PARD3: variants seen among roughly 807,000 people sequenced by gnomAD.
The protein encoded by PARD3 is partitioning defective 3 homolog.
In PARD3, 75 loss-of-function variants were observed where a neutral mutation model predicts 155.4. That is an observed-to-expected ratio of 0.48 (90% CI 0.40 to 0.58). PARD3 has a LOEUF of 0.58. Ranked by LOEUF, PARD3 falls within the 20% of genes least tolerant of loss-of-function variation. The pLI is 0.00. For missense variants in PARD3, 1,642 were observed against 1,721.7 expected, an observed-to-expected ratio of 0.95 and a Z score of 0.82; for synonymous variants, 576 against 610.5, an observed-to-expected ratio of 0.94 and a Z score of 0.83.
intron 22 of PARD3, among the ~76,000 whole-genome samples, chr10:34,204,485 T>C: frequency 6.6e-6 from 1 of 152,124 alleles, no homozygotes; most frequent in Non-Finnish European, 1.5e-5. Flanking sequence ...ACCCTCCCCT[T>C]AACGACCTCC....
rs1309743650 is a variant in PARD3 at position 34,261,813 on chromosome 10, GAAAGAAAGAAAGAAAC to G, written c.3419+7828_3419+7843del. Among the ~76,000 whole-genome samples the G allele has an allele frequency of 1.4e-3, 125 of 89,052 alleles. 6 individuals are homozygous for G. The East Asian group carries it at 0.026, about 19-fold the overall frequency. The allele number at this position is 89,052 out of a possible 152,430, so 58.4% of individuals were successfully genotyped here. On this transcript the variant is annotated intron_variant, in intron 22 of 24. Coordinates refer to ENST00000374788, the MANE Select transcript of PARD3 (RefSeq NM_001184785.2). ...AGAAAGAAAGAAAGAAAGAAAGAAAGAAAGAAAGAAAGAAACAAACAAACAAACAAACACACACACA... is the reference window on the plus strand; with the variant it reads ...AGAAAGAAAGAAAGAAAGAAAGAAAGAAACAAACAAACAAACACACACACA...
At chr10:34,637,994 C>A (rs563146065) in intron 2 of PARD3, among the ~76,000 whole-genome samples, 1 of 152,120 alleles carries the variant, frequency 6.6e-6, no homozygotes, top group Non-Finnish European at 1.5e-5. Context: ...ACAAGACACA[C>A]GGACTGTGCA....
intron 2 of PARD3, among the ~76,000 whole-genome samples, chr10:34,522,513 T>C (rs2082209210): frequency 6.6e-6 from 1 of 152,214 alleles, no homozygotes; most frequent in Non-Finnish European, 1.5e-5. Context: ...GTATGTTTAC[T>C]ATGAGCTTTT....
chr10:34,353,025 TGCCCGGCCGCCCCGTCTGAGAAGTGAGGA>T (rs1838321625), intron 14 of PARD3, among the ~76,000 whole-genome samples: 2 of 150,704 alleles, frequency 1.3e-5, no homozygotes, highest in African/African-American at 4.9e-5. Context: ...GGAGCGTCTC[TGCCCGGCCGCCCCGTCTGAGAAGTGAGGA>T]GCCCCTCCGC....
chr10:34,240,983 G>A (rs867055638), intron 22 of PARD3, among the ~76,000 whole-genome samples: 12 of 152,128 alleles, frequency 7.9e-5, no homozygotes, highest in African/African-American at 2.7e-4. Flanking sequence ...CCGCTGTTTC[G>A]GGGCTTGCAG....
chr10:34,490,420 G>A (rs1001299665), intron 3 of PARD3, among the ~76,000 whole-genome samples: 1 of 152,056 alleles, frequency 6.6e-6, no homozygotes, highest in Non-Finnish European at 1.5e-5. Flanking sequence ...CAGAGGGAGA[G>A]GGTGTGTGTA....
chr10:34,183,378 A>T (rs1451052524), intron 22 of PARD3, among the ~76,000 whole-genome samples: 1 of 152,234 alleles, frequency 6.6e-6, no homozygotes, highest in East Asian at 1.9e-4. Context: ...TTAGGCAGAT[A>T]GAAAGGGTAA....
At chr10:34,574,119 ATTCAT>A (rs1357802809) in intron 2 of PARD3, among the ~76,000 whole-genome samples, 1 of 152,024 alleles carries the variant, frequency 6.6e-6, no homozygotes, top group East Asian at 1.9e-4. Context: ...TTTACTTATT[ATTCAT>A]TTATTTGTAT....
chr10:34,164,337 C>T (rs1247982216), intron 22 of PARD3, among the ~76,000 whole-genome samples: 1 of 152,202 alleles, frequency 6.6e-6, no homozygotes, highest in African/African-American at 2.4e-5. Flanking sequence ...CAAAGGGCAA[C>T]TGTATGCAAC....
intron 20 of PARD3, among the ~76,000 whole-genome samples, chr10:34,304,535 C>T (rs1047247525): frequency 6.6e-6 from 1 of 152,126 alleles, no homozygotes; most frequent in Non-Finnish European, 1.5e-5. Context: ...TCTTGGCTCC[C>T]ACATAGGTTT....
rs185656890 is a variant in PARD3, at chr10:34,460,615, C to G, written c.582+9470G>C. ...TTGGGAGGCCGAGGCGGGTGGATAA[C>G]GAGGTCAGGAGATCGAGACCATCCT... is the stretch of plus-strand genomic sequence containing the variant. On this transcript the variant is annotated intron_variant, in intron 4 of 24. Coordinates refer to ENST00000374788, the MANE Select transcript of PARD3 (RefSeq NM_001184785.2). Among the ~76,000 whole-genome samples the G allele has an allele frequency of 1.7e-3, 254 of 152,066 alleles. 2 individuals carry two copies. Among genetic ancestry groups the G allele is most frequent in the African/African-American group, 5.9e-3 (243 of 41,474 alleles).
In PARD3 at chr10:34,253,265, C is replaced by T. The variant is rs1002744514; in HGVS notation, c.3419+16392G>A. 7.9e-5 allele frequency among the ~76,000 whole-genome samples: 12 copies of T among 152,140 alleles called. No homozygotes were observed. The East Asian group carries it at 1.3e-3, about 17-fold the overall frequency. ...TAAAGTAGTTTGTGTCAAGTAGGTG[C>T]GCAACAGATACTGTCCTTGACTCAC... On this transcript the variant is annotated intron_variant, in intron 22 of 24. Coordinates refer to ENST00000374788, the MANE Select transcript of PARD3 (RefSeq NM_001184785.2).
chr10:34,204,808 T>C (rs971035864), intron 22 of PARD3, among the ~76,000 whole-genome samples: 1 of 152,254 alleles, frequency 6.6e-6, no homozygotes, highest in Non-Finnish European at 1.5e-5. Context: ...TATGGGCTCA[T>C]AAGCAGAAAT....
chr10:34,753,794 A>G (rs1057180203), intron 1 of PARD3, among the ~76,000 whole-genome samples: 2 of 152,162 alleles, frequency 1.3e-5, no homozygotes. Flanking sequence ...AGACAGGAAG[A>G]GTATGCCAAG....
chr10:34,155,230 G>C (rs1948950032), intron 22 of PARD3, among the ~76,000 whole-genome samples: 1 of 152,024 alleles, frequency 6.6e-6, no homozygotes, highest in Non-Finnish European at 1.5e-5. Flanking sequence ...TCTGGACTGG[G>C]GACTGATTAT....
chr10:34,222,843 T>C (rs965883319), intron 22 of PARD3, among the ~76,000 whole-genome samples: 1 of 152,200 alleles, frequency 6.6e-6, no homozygotes, highest in Non-Finnish European at 1.5e-5. Flanking sequence ...ACCGCTCTCT[T>C]AAGCATTTGC....
chr10:34,150,088 T>C (rs1257433630), intron 22 of PARD3, among the ~76,000 whole-genome samples: 2 of 152,228 alleles, frequency 1.3e-5, no homozygotes, highest in African/African-American at 2.4e-5. Context: ...CAGAGTTTCT[T>C]GTCATATTTT....
intron 2 of PARD3, 114 bp from the exon 3 acceptor site, chr10:34,517,273 T>A: frequency 1.1e-6 from 1 of 884,800 alleles, no homozygotes; most frequent in Non-Finnish European, 1.6e-6. Context: ...TAAATGACCC[T>A]AGAATGGTAA....
chr10:34,145,221 A>ATATATATATTT (rs1491430560), intron 22 of PARD3, among the ~76,000 whole-genome samples: 1 of 33,972 alleles, frequency 2.9e-5, no homozygotes, highest in African/African-American at 1.4e-4. Context: ...ATATATATAT[A>ATATATATATTT]TTTTTTTTTT....
Sources: allele counts gnomAD v4.1 joint callset (sites outside exome capture counted in the v4.1 genomes callset), GRCh38; gene constraint gnomAD v4.1.1; transcripts MANE v1.5; gene names NCBI Gene and HGNC (gene_info 2026-07-23, HGNC 2026-07-21).